Variants in MTUS2 observed in about 807,000 individuals in gnomAD.
MTUS2 encodes microtubule-associated tumor suppressor candidate 2.
Under a neutral mutation model 114.1 loss-of-function variants are expected in MTUS2, and 40 were observed. The observed-to-expected ratio is 0.35, with a 90% CI of 0.27 to 0.46. MTUS2 has a LOEUF of 0.46. MTUS2 is among the 20% of genes least tolerant of loss of function. MTUS2 has a pLI of 1.00. For missense variants in MTUS2, 1,679 were observed against 1,705.4 expected, an observed-to-expected ratio of 0.98 and a Z score of 0.27; for synonymous variants, 688 against 672.0, an observed-to-expected ratio of 1.02 and a Z score of -0.37.
intron 6 of MTUS2, among the ~76,000 whole-genome samples, chr13:29,296,026 C>A (rs1341949529): frequency 1.3e-5 from 2 of 152,154 alleles, no homozygotes; most frequent in Admixed American, 6.5e-5. Flanking sequence ...CCACATTTTC[C>A]TTATCTGCTA....
intron 8 of MTUS2, among the ~76,000 whole-genome samples, chr13:29,404,244 G>A (rs1490410388): frequency 1.3e-5 from 2 of 151,822 alleles, no homozygotes; most frequent in Admixed American, 6.6e-5. Context: ...CCAGCTACTC[G>A]GGAGGCTGAG....
intron 2 of MTUS2, among the ~76,000 whole-genome samples, chr13:28,887,458 C>T (rs1878660445): frequency 6.6e-6 from 1 of 152,190 alleles, no homozygotes; most frequent in Non-Finnish European, 1.5e-5. Flanking sequence ...GCGGGTGAGG[C>T]AGGCAGGGTC....
At chr13:29,418,307 T>C (rs1054270012) in intron 8 of MTUS2, among the ~76,000 whole-genome samples, 3 of 152,298 alleles carry the variant, frequency 2.0e-5, no homozygotes, top group African/African-American at 7.2e-5. Context: ...AGGAAGGGAT[T>C]TCCTCAAGGA....
intron 2 of MTUS2, among the ~76,000 whole-genome samples, chr13:28,950,612 G>T (rs1472275898): frequency 6.6e-6 from 1 of 152,146 alleles, no homozygotes. Flanking sequence ...GAATAGGGAA[G>T]CCCAAAGCGA....
intron 6 of MTUS2, among the ~76,000 whole-genome samples, chr13:29,289,284 T>C (rs1037020431): frequency 1.3e-5 from 2 of 152,156 alleles, no homozygotes; most frequent in African/African-American, 4.8e-5. Context: ...GCAGAGAGGC[T>C]GGGTGGACAC....
chr13:29,247,945 C>A (rs1896986058), intron 5 of MTUS2, among the ~76,000 whole-genome samples: 1 of 152,148 alleles, frequency 6.6e-6, no homozygotes, highest in South Asian at 2.1e-4. Context: ...AAGACACTTG[C>A]ACATGCATGT....
chr13:29,466,615 G>A (rs565480043), intron 9 of MTUS2, among the ~76,000 whole-genome samples: 2 of 152,236 alleles, frequency 1.3e-5, no homozygotes, highest in East Asian at 1.9e-4. Context: ...GGTGGCTCAC[G>A]CCTGTAATCC....
At chr13:29,269,538 T>C (rs1023032150) in intron 5 of MTUS2, among the ~76,000 whole-genome samples, 22 of 152,186 alleles carry the variant, frequency 1.4e-4, no homozygotes, top group Admixed American at 1.4e-3. Context: ...AGGATGGCTC[T>C]TATTAAAAGG....
At chr13:29,007,884 CAA>C (rs1380345173) in intron 2 of MTUS2, among the ~76,000 whole-genome samples, 4 of 152,162 alleles carry the variant, frequency 2.6e-5, no homozygotes, top group Admixed American at 6.6e-5. Flanking sequence ...TTGGGGGAAT[CAA>C]AAGTTATTTG....
chr13:29,059,416 G>A (rs1593432593), intron 4 of MTUS2, among the ~76,000 whole-genome samples: 1 of 152,078 alleles, frequency 6.6e-6, no homozygotes, highest in Non-Finnish European at 1.5e-5. Flanking sequence ...AGGAGTCGCA[G>A]TTGGCAGACA....
chr13:29,306,502 G>T (rs1002222665), intron 6 of MTUS2, among the ~76,000 whole-genome samples: 1 of 152,110 alleles, frequency 6.6e-6, no homozygotes, highest in Non-Finnish European at 1.5e-5. Context: ...CAACAGGAAA[G>T]CAGAGAGCCA....
chr13:29,397,027 G>C (rs947711779), intron 8 of MTUS2, among the ~76,000 whole-genome samples: 1 of 152,180 alleles, frequency 6.6e-6, no homozygotes, highest in Non-Finnish European at 1.5e-5. Flanking sequence ...TGTGCTCTAG[G>C]AAAACCTATA....
chr13:29,177,402 G>T (rs1227380316), intron 5 of MTUS2, among the ~76,000 whole-genome samples: 1 of 150,604 alleles, frequency 6.6e-6, no homozygotes, highest in Admixed American at 6.6e-5. Context: ...ATTATTTAAA[G>T]AAAATTATCA....
intron 2 of MTUS2, among the ~76,000 whole-genome samples, chr13:28,979,118 C>T (rs1323256144): frequency 6.6e-6 from 1 of 152,166 alleles, no homozygotes; most frequent in Non-Finnish European, 1.5e-5. Flanking sequence ...CAAGTGGTTT[C>T]CTTCAGGAGC....
intron 8 of MTUS2, among the ~76,000 whole-genome samples, chr13:29,377,715 A>ACAGGAAAG (rs1871859473): frequency 6.6e-6 from 1 of 152,212 alleles, no homozygotes; most frequent in African/African-American, 2.4e-5. Flanking sequence ...TGAAGTAGAA[A>ACAGGAAAG]CAGGAAAGCA....
intron 4 of MTUS2, among the ~76,000 whole-genome samples, chr13:29,076,201 C>A (rs1021536569): frequency 1.3e-5 from 2 of 152,176 alleles, no homozygotes; most frequent in Non-Finnish European, 2.9e-5. Flanking sequence ...TTTGAAGCTC[C>A]TTAGGCTTTC....
intron 2 of MTUS2, among the ~76,000 whole-genome samples, chr13:28,969,326 A>G (rs1330165381): frequency 2.0e-5 from 3 of 152,200 alleles, no homozygotes; most frequent in East Asian, 3.9e-4. Flanking sequence ...TAGTGTCTCA[A>G]CATATACAGT....
intron 8 of MTUS2, among the ~76,000 whole-genome samples, chr13:29,406,949 A>G (rs1874800334): frequency 6.6e-6 from 1 of 152,202 alleles, no homozygotes; most frequent in South Asian, 2.1e-4. Context: ...CCAGTGTTTA[A>G]TTGAAAGACA....
At chr13:28,890,829 G>A (rs1053518413) in intron 2 of MTUS2, among the ~76,000 whole-genome samples, 1 of 152,038 alleles carries the variant, frequency 6.6e-6, no homozygotes, top group Non-Finnish European at 1.5e-5. Context: ...GCCCTAGACC[G>A]AGGCCTCCAG....
Sources: allele counts gnomAD v4.1 joint callset (sites outside exome capture counted in the v4.1 genomes callset), GRCh38; gene constraint gnomAD v4.1.1; transcripts MANE v1.5; gene names NCBI Gene and HGNC (gene_info 2026-07-23, HGNC 2026-07-21).